The following PAX6 variants were observed in gnomAD, a reference collection of about 807,000 sequenced individuals.
PAX6 encodes the protein paired box protein Pax-6.
Under a neutral mutation model 60.7 loss-of-function variants are expected in PAX6, and 7 were observed. The observed-to-expected ratio is 0.12, with a 90% confidence interval of 0.07 to 0.22. The LOEUF is 0.22. PAX6 is among the 10% of genes least tolerant of loss of function. PAX6 has a pLI of 1.00. For missense variants in PAX6, 355 were observed against 555.2 expected, an observed-to-expected ratio of 0.64 and a Z score of 3.62; for synonymous variants, 208 against 201.2, an observed-to-expected ratio of 1.03 and a Z score of -0.29.
intron 4 of PAX6, chr11:31,805,302 G>T (rs1235232945): frequency 1.3e-5 from 2 of 151,914 alleles, no homozygotes; most frequent in East Asian, 1.9e-4. Context: ...CGAGCCTACC[G>T]GCCAAGCCCT....
chr11:31,806,670 G>A, intron 3 of PAX6, 179 bp downstream of exon 3: 1 of 548,298 alleles, frequency 1.8e-6, no homozygotes. Context: ...ACAAAGTACT[G>A]GAATATCCCC....
chr11:31,801,147 G>A (rs1479559979), intron 7 of PAX6: 3 of 1,096,686 alleles, frequency 2.7e-6, no homozygotes, highest in Non-Finnish European at 3.7e-6. Flanking sequence ...AAGACTGCCC[G>A]AAAATAAAAA....
Position 31,802,749 on chromosome 11 carries a change from T to C in PAX6, c.96A>G (p.Leu32=). ...CGCACGGCCGGGCCCCGCTGTGAGC[T>C]AGCTCTACAATCTTCTGCCGGGTGG... ...PDSTRQKIVE[L]AHSGARPCDI... The change falls in exon 5 of 14, where the codon CTA becomes CTG. Residue 32 remains leucine, a synonymous_variant. Coordinates refer to ENST00000640368, the MANE Select transcript of PAX6 (RefSeq NM_001368894.2). 6.2e-7 allele frequency: 1 copy of C among 1,614,048 alleles called. No homozygotes were observed. Among genetic ancestry groups the C allele is most frequent in the Non-Finnish European group, 8.5e-7 (1 of 1,180,012 alleles).
intron 7 of PAX6, 119 bp from the exon 8 acceptor site, chr11:31,800,975 C>G: frequency 9.4e-7 from 1 of 1,060,380 alleles, no homozygotes; most frequent in Non-Finnish European, 1.4e-6. Flanking sequence ...CTCCCAGCCA[C>G]CCCGGGACAG....
chr11:31,816,546 G>A (rs561070862), intron 1 of PAX6: 1 of 702,524 alleles, frequency 1.4e-6, no homozygotes, highest in East Asian at 2.7e-5. Context: ...TTTATGACTG[G>A]AGGAGAAGGT....
chr11:31,793,477 AGGC>A lies in PAX6; in HGVS notation c.1032_1034del (p.Pro345del). On this transcript the variant is annotated inframe_deletion, in exon 12 of 14. Coordinates refer to ENST00000640368, the MANE Select transcript of PAX6 (RefSeq NM_001368894.2). Reference sequence around the variant, plus strand: ...TATTTGCCATGGTGAAGCTGGGCATAGGCGGCAGAGCGCTGTAGGTGTTTGTGA... The same window carrying A: ...TATTTGCCATGGTGAAGCTGGGCATAGGCAGAGCGCTGTAGGTGTTTGTGA... 6.2e-7 allele frequency: 1 copy of A among 1,614,248 alleles called. No individual in the cohort carries two copies.
rs1457567976 is a variant in PAX6, at chr11:31,789,658, T to C, written c.*276A>G. 7 of 701,258 alleles carry C rather than the reference T, an allele frequency of 1.0e-5. No individual in the cohort carries two copies. The highest frequency in any genetic ancestry group is 1.8e-5 in the Non-Finnish European group (7 of 384,440). The allele number at this position is 701,258 out of a possible 1,614,324, so 43.4% of individuals were successfully genotyped here. On this transcript the variant is annotated 3_prime_UTR_variant, in exon 14 of 14. Transcript: ENST00000640368. ...CATTGTTCTTTTTTTCATTATAACA[T>C]ACAAATGCCCATTTACAAATAATAC...
intron 3 of PAX6, 23 bp from the exon 4 acceptor site, chr11:31,806,485 T>A (rs552574202): frequency 1.6e-4 from 257 of 1,559,698 alleles, no homozygotes; most frequent in Non-Finnish European, 2.0e-4. Context: ...AAATAGGAGT[T>A]AATCCTCGGG....
intron 8 of PAX6, among the ~76,000 whole-genome samples, chr11:31,799,443 A>C (rs1396869000): frequency 6.6e-6 from 1 of 152,128 alleles, no homozygotes; most frequent in Non-Finnish European, 1.5e-5. Context: ...GACATGTCTA[A>C]TTGGCAATTG....
In PAX6 at chr11:31,801,579, G is replaced by A; in HGVS notation, c.381C>T (p.Thr127=). The A allele has an allele frequency of 6.2e-7, 1 of 1,614,142 alleles. No homozygotes were observed. The highest frequency in any genetic ancestry group is 8.5e-7 in the Non-Finnish European group (1 of 1,180,026). ...RDRLLSEGVC[T]NDNIPSVSSI... is the part of the protein sequence containing the mutation. ...AACTTACGCTTGGTATGTTATCGTT[G>A]GTACAGACCCCCTCGGACAGTAATC... The change falls in exon 7 of 14, where the codon ACC becomes ACT. Residue 127 remains threonine, a synonymous_variant. Coordinates refer to ENST00000640368, the MANE Select transcript of PAX6 (RefSeq NM_001368894.2).
intron 4 of PAX6, chr11:31,805,469 G>C (rs1270019213): frequency 6.5e-6 from 1 of 152,736 alleles, no homozygotes; most frequent in Non-Finnish European, 1.5e-5. Context: ...AAGCCTGTGT[G>C]GTTCGGCCAG....
chr11:31,793,237 C>T lies in PAX6; in HGVS notation c.1074+201G>A, dbSNP rs1250955115. ...CAAAACTGGACAGATTTTTATTACTCATTTTTTTAGGGCATGAATTAATGA... is the reference window on the plus strand; with the variant it reads ...CAAAACTGGACAGATTTTTATTACTTATTTTTTTAGGGCATGAATTAATGA... On this transcript the variant is annotated intron_variant, in intron 12 of 13. Coordinates refer to ENST00000640368, the MANE Select transcript of PAX6 (RefSeq NM_001368894.2). 5 of 695,562 alleles carry T rather than the reference C, an allele frequency of 7.2e-6. No homozygotes were observed. The Admixed American group carries it at 8.0e-5, about 11-fold the overall frequency. The allele number at this position is 695,562 out of a possible 1,614,324, so 43.1% of individuals were successfully genotyped here. A position where few individuals can be genotyped will look rare whatever the true frequency, so the allele number is the denominator to read the frequency against.
At chr11:31,804,526 G>C (rs1257275077) in intron 4 of PAX6, 1 of 152,266 alleles carries the variant, frequency 6.6e-6, no homozygotes, top group East Asian at 1.9e-4. Flanking sequence ...GCTCCGGCCG[G>C]GACCAGCGCA....
chr11:31,806,051 G>T (rs932731608), intron 4 of PAX6: 2 of 341,088 alleles, frequency 5.9e-6, no homozygotes, highest in Non-Finnish European at 1.0e-5. Flanking sequence ...ACTTCGCCCC[G>T]CCCTGATCAG....
At chr11:31,791,944 A>G (rs1950094536) in intron 12 of PAX6, 1 of 152,250 alleles carries the variant, frequency 6.6e-6, no homozygotes, top group African/African-American at 2.4e-5. Flanking sequence ...GTAATTTTTA[A>G]AAGTCAGTGT....
At chr11:31,807,952 A>C (rs1363011794) in intron 2 of PAX6, 2 of 152,178 alleles carry the variant, frequency 1.3e-5, no homozygotes, top group Non-Finnish European at 2.9e-5. Flanking sequence ...AAAATAGAAA[A>C]GTAATTTCTT....
At chr11:31,806,133 G>C (rs1955732851) in intron 4 of PAX6, 2 of 482,070 alleles carry the variant, frequency 4.1e-6, no homozygotes, top group Non-Finnish European at 7.2e-6. Context: ...ATTTGGGGGG[G>C]ATGGGGTTTC....
chr11:31,810,206 T>G (rs1256726849), intron 2 of PAX6: 1 of 152,394 alleles, frequency 6.6e-6, no homozygotes, highest in Non-Finnish European at 1.5e-5. Flanking sequence ...CCACTCGGGC[T>G]GGTGGCGGGC....
chr11:31,792,264 C>G (rs1040176571), intron 12 of PAX6: 1 of 152,204 alleles, frequency 6.6e-6, no homozygotes, highest in Non-Finnish European at 1.5e-5. Flanking sequence ...AAAATTCCAA[C>G]GCAGTTATAG....
Sources: gnomAD v4.1 joint callset for allele counts (sites outside exome capture counted in the v4.1 genomes callset) on GRCh38, gnomAD v4.1.1 for gene constraint, MANE v1.5 for transcripts, NCBI Gene and HGNC (gene_info 2026-07-23, HGNC 2026-07-21) for gene names.